TMEM154: variants seen among roughly 807,000 people sequenced by gnomAD.
The protein encoded by TMEM154 is transmembrane protein 154.
TMEM154 carries 27 observed loss-of-function variants against 24.5 expected under a neutral mutation model. The ratio of observed to expected loss-of-function variants is 1.10; its 90% CI spans 0.81 to 1.52. TMEM154 has a LOEUF of 1.52. Ranked by LOEUF, TMEM154 falls within the 40% of genes most tolerant of loss-of-function variation. The probability of loss-of-function intolerance (pLI) is 0.00; values close to 1 mark genes in which losing one functional copy is unlikely to be tolerated. For synonymous variants in TMEM154, 67 were observed against 76.8 expected (o/e 0.87, Z 0.67); for missense variants, 228 against 213.4 (o/e 1.07, Z -0.43).
chr4:152,667,042 A>G (rs1728734980), intron 1 of TMEM154: 1 of 152,176 alleles, frequency 6.6e-6, no homozygotes, highest in Non-Finnish European at 1.5e-5. Context: ...CTAACTTATT[A>G]TTTATTATCT....
At position 152,621,120 on chromosome 4, in the gene TMEM154, T is replaced by C. The variant is rs1213424435; in HGVS notation, c.*7426A>G. The C allele has an allele frequency of 1.3e-5, 2 of 152,096 alleles. No individual in the cohort carries two copies. Among genetic ancestry groups the C allele is most frequent in the African/African-American group, 4.8e-5 (2 of 41,424 alleles). The allele number at this position is 152,096 out of a possible 1,614,324, so 9.4% of individuals were successfully genotyped here. ...CTGCTGCCTTGCAGAGATTGGCCAA[T>C]GAGATGTAAGCAGAGTTGCTTCACT... On this transcript the variant is annotated 3_prime_UTR_variant, in exon 7 of 7. Coordinates refer to ENST00000304385, the MANE Select transcript of TMEM154 (RefSeq NM_152680.3).
intron 1 of TMEM154, among the ~76,000 whole-genome samples, chr4:152,659,743 G>T (rs902843187): frequency 2.6e-5 from 4 of 152,150 alleles, no homozygotes; most frequent in Non-Finnish European, 5.9e-5. Context: ...TATCCAAGCG[G>T]AACATGTTTC....
intron 1 of TMEM154, among the ~76,000 whole-genome samples, chr4:152,659,844 T>A (rs1474165264): frequency 6.6e-6 from 1 of 152,210 alleles, no homozygotes; most frequent in African/African-American, 2.4e-5. Flanking sequence ...AAGTTTAATT[T>A]ATAATTAGGC....
chr4:152,645,023 A>G (rs1311789547), intron 3 of TMEM154, among the ~76,000 whole-genome samples: 1 of 152,166 alleles, frequency 6.6e-6, no homozygotes, highest in Non-Finnish European at 1.5e-5. Flanking sequence ...TACTCTATTT[A>G]AAGAAGGGCC....
intron 1 of TMEM154, among the ~76,000 whole-genome samples, chr4:152,663,064 G>A (rs1311110403): frequency 6.6e-6 from 1 of 152,142 alleles, no homozygotes; most frequent in African/African-American, 2.4e-5. Flanking sequence ...TAGGCCTTCT[G>A]CTCTGTCTAG....
intron 3 of TMEM154, 23 bp from the exon 4 acceptor site, chr4:152,644,465 G>T (rs775583380): frequency 1.2e-6 from 2 of 1,613,362 alleles, no homozygotes; most frequent in Non-Finnish European, 1.7e-6. Flanking sequence ...GAACATAAAG[G>T]TCATGTTAGC....
intron 3 of TMEM154, among the ~76,000 whole-genome samples, chr4:152,650,257 G>A (rs986320100): frequency 6.6e-6 from 1 of 151,976 alleles, no homozygotes; most frequent in Non-Finnish European, 1.5e-5. Flanking sequence ...AATTGGAGAC[G>A]ATTCTCACAA....
rs1361607767 is a variant in TMEM154, at chr4:152,624,789, T to C, written c.*3757A>G. 1 of 152,210 alleles carries C rather than the reference T, an allele frequency of 6.6e-6. No homozygotes were observed. The highest frequency in any genetic ancestry group is 1.5e-5 in the Non-Finnish European group (1 of 68,036). 9.4% of individuals were successfully genotyped at this position (152,210 alleles called of 1,614,324 possible). On this transcript the variant is annotated 3_prime_UTR_variant, in exon 7 of 7. Coordinates refer to ENST00000304385, the MANE Select transcript of TMEM154 (RefSeq NM_152680.3). ...TTTGAAATATTCCACTAGACACTAA[T>C]ATACAGGAACTCTTTTGGTCATTGT...
In TMEM154 at chr4:152,620,976, A is replaced by C. The variant is rs953204046; in HGVS notation, c.*7570T>G. ...ATGAGATGATGTATGTTTAGTGTTTAGCACCTTCTGGCCAGGGTGGCTACC... is the reference window on the plus strand; with the variant it reads ...ATGAGATGATGTATGTTTAGTGTTTCGCACCTTCTGGCCAGGGTGGCTACC... On this transcript the variant is annotated 3_prime_UTR_variant, in exon 7 of 7. Coordinates refer to ENST00000304385, the MANE Select transcript of TMEM154 (RefSeq NM_152680.3). 6.6e-6 allele frequency: 1 copy of C among 152,208 alleles called. No homozygotes were observed. 9.4% of individuals were successfully genotyped at this position (152,208 alleles called of 1,614,324 possible). A position where few individuals can be genotyped will look rare whatever the true frequency, so the allele number is the denominator to read the frequency against.
At chr4:152,652,955 T>G (rs1434740029) in intron 1 of TMEM154, 28 bp from the exon 2 acceptor site, 7 of 1,555,070 alleles carry the variant, frequency 4.5e-6, no homozygotes, top group Non-Finnish European at 6.1e-6. Context: ...AAATTGAAAT[T>G]TCCATGGAGA....
intron 3 of TMEM154, among the ~76,000 whole-genome samples, chr4:152,650,029 AG>A (rs1728342817): frequency 6.6e-6 from 1 of 152,132 alleles, no homozygotes; most frequent in African/African-American, 2.4e-5. Context: ...GCCTTCCGCA[AG>A]TTGTAATTAT....
Position 152,622,995 on chromosome 4 carries a change from C to T in TMEM154, c.*5551G>A, listed in dbSNP as rs892828665. 1 of 152,170 alleles carries T rather than the reference C, an allele frequency of 6.6e-6. No homozygotes were observed. Among genetic ancestry groups the T allele is most frequent in the Non-Finnish European group, 1.5e-5 (1 of 68,038 alleles). The allele number at this position is 152,170 out of a possible 1,614,324, so 9.4% of individuals were successfully genotyped here. ...GGGATTACAGGTGTGTACTACCACACCTGGCTAATTTTTGCATTTTTGTAA... is the reference window on the plus strand; with the variant it reads ...GGGATTACAGGTGTGTACTACCACATCTGGCTAATTTTTGCATTTTTGTAA... On this transcript the variant is annotated 3_prime_UTR_variant, in exon 7 of 7. Transcript: ENST00000304385.
chr4:152,640,876 T>TGCCCCCC, intron 6 of TMEM154, 52 bp downstream of exon 6: 1 of 1,113,608 alleles, frequency 9.0e-7, no homozygotes, highest in Non-Finnish European at 1.3e-6. Context: ...TGGTTCCCAA[T>TGCCCCCC]CCCCCCGCCC....
intron 1 of TMEM154, among the ~76,000 whole-genome samples, chr4:152,658,932 GCCA>G (rs563118249): frequency 6.8e-4 from 103 of 152,252 alleles, no homozygotes; most frequent in African/African-American, 2.3e-3. Flanking sequence ...AATTAGTACA[GCCA>G]CTATGGAAAA....
At chr4:152,674,232 A>T (rs909695994) in intron 1 of TMEM154, among the ~76,000 whole-genome samples, 2 of 152,108 alleles carry the variant, frequency 1.3e-5, no homozygotes, top group Non-Finnish European at 2.9e-5. Flanking sequence ...GGGCCCAGGG[A>T]GATAACAGGC....
In TMEM154 at chr4:152,619,256, G is replaced by C. The variant is rs1430862242; in HGVS notation, c.*9290C>G. On this transcript the variant is annotated 3_prime_UTR_variant, in exon 7 of 7. Transcript: ENST00000304385. ...GTTCTACCACCTACTACAGACTACT[G>C]GACCAGGGGTCTATGTCCAAGCCAA... The C allele has an allele frequency of 6.6e-6, 1 of 152,186 alleles. No individual in the cohort carries two copies. Among genetic ancestry groups the C allele is most frequent in the Non-Finnish European group, 1.5e-5 (1 of 68,038 alleles). 9.4% of individuals were successfully genotyped at this position (152,186 alleles called of 1,614,324 possible). A position where few individuals can be genotyped will look rare whatever the true frequency, so the allele number is the denominator to read the frequency against.
intron 4 of TMEM154, among the ~76,000 whole-genome samples, 182 bp downstream of exon 4, chr4:152,644,233 G>A (rs1224892508): frequency 6.6e-6 from 1 of 152,152 alleles, no homozygotes; most frequent in Non-Finnish European, 1.5e-5. Context: ...ACACTCACAC[G>A]CTGGATAGGG....
chr4:152,632,310 A>C (rs1015734723), intron 6 of TMEM154, among the ~76,000 whole-genome samples: 1 of 152,192 alleles, frequency 6.6e-6, no homozygotes, highest in Non-Finnish European at 1.5e-5. Flanking sequence ...CAGTTGTCCC[A>C]AGACTATTTA....
intron 3 of TMEM154, among the ~76,000 whole-genome samples, 199 bp downstream of exon 3, chr4:152,652,339 C>T (rs6849505): frequency 0.081 from 11,997 of 148,048 alleles, 733 homozygotes; most frequent in African/African-American, 0.17. Flanking sequence ...ACAAGGCGTG[C>T]CTGTATTTTG....
Sources: allele counts gnomAD v4.1 joint callset (sites outside exome capture counted in the v4.1 genomes callset), GRCh38; gene constraint gnomAD v4.1.1; transcripts MANE v1.5; gene names NCBI Gene and HGNC (gene_info 2026-07-23, HGNC 2026-07-21).